Variants in DNAH8 observed in about 807,000 individuals in gnomAD.
DNAH8 encodes the protein dynein axonemal heavy chain 8.
Under a neutral mutation model 562.1 loss-of-function variants are expected in DNAH8, and 382 were observed. The ratio of observed to expected loss-of-function variants is 0.68; its 90% CI spans 0.63 to 0.74. The LOEUF is 0.74. DNAH8 is among the 30% of genes least tolerant of loss of function. The pLI, the probability that DNAH8 is intolerant of heterozygous loss-of-function variation, is 0.00. For missense variants in DNAH8, 5,203 were observed against 5,620.4 expected (o/e 0.93, Z 2.37); for synonymous variants, 1,881 against 1,919.4 (o/e 0.98, Z 0.52).
intron 85 of DNAH8, among the ~76,000 whole-genome samples, chr6:38,974,953 G>T (rs1763579707): frequency 6.6e-6 from 1 of 152,178 alleles, no homozygotes; most frequent in Admixed American, 6.5e-5. Context: ...TTTCAAGATA[G>T]GATTATCACC....
chr6:39,001,111 G>A lies in DNAH8; in HGVS notation c.13215-7703G>A, dbSNP rs116223731. ...TGAGGGAGGGGGGTGCTTAAAGAGC[G>A]GAGTGGCCGATGCAGAGTGTGGCTT... On this transcript the variant is annotated intron_variant, in intron 88 of 92. Transcript: ENST00000327475. 5.1e-3 allele frequency among the ~76,000 whole-genome samples: 770 copies of A among 152,262 alleles called. 4 individuals are homozygous for A. Among genetic ancestry groups the A allele is most frequent in the African/African-American group, 0.017 (726 of 41,532 alleles).
chr6:38,939,757 T>C (rs1310073583), intron 79 of DNAH8, among the ~76,000 whole-genome samples: 1 of 152,214 alleles, frequency 6.6e-6, no homozygotes, highest in Non-Finnish European at 1.5e-5. Flanking sequence ...GCAAAATGTT[T>C]CAATCTTTTT....
chr6:38,828,904 C>T (rs967565715), intron 30 of DNAH8, among the ~76,000 whole-genome samples: 1 of 152,204 alleles, frequency 6.6e-6, no homozygotes, highest in Non-Finnish European at 1.5e-5. Flanking sequence ...TCTCTTGCCC[C>T]AGCCCTGGCA....
chr6:39,029,271 C>T (rs560904490), intron 92 of DNAH8, among the ~76,000 whole-genome samples: 1 of 152,156 alleles, frequency 6.6e-6, no homozygotes, highest in Admixed American at 6.5e-5. Flanking sequence ...TGCCTACGCT[C>T]TCTCCTCTGT....
chr6:38,832,221 A>G, intron 30 of DNAH8, 101 bp from the exon 31 acceptor site: 1 of 692,902 alleles, frequency 1.4e-6, no homozygotes, highest in Non-Finnish European at 2.5e-6. Context: ...TTCCTTGTTC[A>G]TATAGGATAT....
chr6:38,822,594 C>T (rs1171952936), intron 26 of DNAH8, among the ~76,000 whole-genome samples: 3 of 152,136 alleles, frequency 2.0e-5, no homozygotes, highest in Non-Finnish European at 4.4e-5. Context: ...TTTCAGTTAT[C>T]CTCTCCGAAT....
intron 89 of DNAH8, among the ~76,000 whole-genome samples, chr6:39,010,448 A>G (rs557644782): frequency 6.6e-6 from 1 of 152,280 alleles, no homozygotes; most frequent in South Asian, 2.1e-4. Flanking sequence ...ATAAAAAGAC[A>G]ATTTTAGGCT....
At position 38,850,293 on chromosome 6, in the gene DNAH8, A is replaced by G. The variant is rs547165959; in HGVS notation, c.5242A>G (p.Ile1748Val). ...GAATATTGACAAGTCTTGGATAAAA[A>G]TAATGCAGCGAGCTCATGAGAATCC... ...FQNIDKSWIK[I>V]MQRAHENPNV... Residue 1748 changes from isoleucine (I) to valine (V), a missense_variant, in exon 38 of 93, where the codon ATA becomes GTA. By Grantham distance (29) the Ile-to-Val change is conservative (BLOSUM62 3). Coordinates refer to ENST00000327475, the MANE Select transcript of DNAH8 (RefSeq NM_001206927.2). 2 of 1,613,686 alleles carry G rather than the reference A, an allele frequency of 1.2e-6. No individual in the cohort carries two copies. The highest frequency in any genetic ancestry group is 1.7e-6 in the Non-Finnish European group (2 of 1,179,674).
chr6:38,795,496 C>T (rs541444781), intron 21 of DNAH8, among the ~76,000 whole-genome samples: 1 of 149,146 alleles, frequency 6.7e-6, no homozygotes, highest in African/African-American at 2.4e-5. Context: ...AGGAGAATGG[C>T]GTGAACCCAG....
intron 82 of DNAH8, among the ~76,000 whole-genome samples, chr6:38,952,409 C>A (rs984862025): frequency 6.6e-6 from 1 of 152,056 alleles, no homozygotes; most frequent in Admixed American, 6.5e-5. Context: ...TTCATTCATA[C>A]TCTGAAAATC....
chr6:38,805,814 T>C (rs895637181), intron 23 of DNAH8, among the ~76,000 whole-genome samples: 13 of 152,240 alleles, frequency 8.5e-5, no homozygotes, highest in African/African-American at 3.1e-4. Context: ...AATTACAGTT[T>C]ATGTAGTCAC....
intron 26 of DNAH8, among the ~76,000 whole-genome samples, chr6:38,816,544 A>T (rs1772292854): frequency 6.6e-6 from 1 of 152,012 alleles, no homozygotes; most frequent in Non-Finnish European, 1.5e-5. Context: ...TGCAATGAAC[A>T]TAGGCGTGCA....
chr6:38,804,785 G>GAGAA (rs903176569), intron 22 of DNAH8, among the ~76,000 whole-genome samples: 4 of 110,182 alleles, frequency 3.6e-5, no homozygotes, highest in African/African-American at 1.3e-4. Context: ...GAGAGAGAGA[G>GAGAA]AGAGAAAGAG....
At chr6:38,921,858 C>T (rs1198863254) in intron 71 of DNAH8, among the ~76,000 whole-genome samples, 1 of 151,874 alleles carries the variant, frequency 6.6e-6, no homozygotes, top group East Asian at 1.9e-4. Flanking sequence ...CGAAAAGAGT[C>T]AGCGAAGGGA....
intron 91 of DNAH8, among the ~76,000 whole-genome samples, chr6:39,016,577 T>C (rs147394267): frequency 6.6e-6 from 1 of 151,218 alleles, no homozygotes; most frequent in African/African-American, 2.4e-5. Context: ...AAAAAAGCCC[T>C]ACATATTTAA....
intron 85 of DNAH8, among the ~76,000 whole-genome samples, chr6:38,976,599 G>A (rs1017502547): frequency 3.3e-5 from 5 of 152,128 alleles, no homozygotes; most frequent in African/African-American, 7.2e-5. Context: ...GTCAGATCTC[G>A]CCTCAGACTC....
intron 9 of DNAH8, among the ~76,000 whole-genome samples, chr6:38,753,262 A>G (rs1445788437): frequency 1.3e-5 from 2 of 152,242 alleles, no homozygotes. Context: ...ATCAAATTGT[A>G]TATGGTGTTG....
intron 91 of DNAH8, among the ~76,000 whole-genome samples, chr6:39,019,984 T>G (rs1362951075): frequency 6.6e-6 from 1 of 151,998 alleles, no homozygotes; most frequent in Non-Finnish European, 1.5e-5. Flanking sequence ...GTGGAAAATA[T>G]GAGAGTTTGT....
At chr6:38,726,132 A>G (rs558776418) in intron 3 of DNAH8, among the ~76,000 whole-genome samples, 30 of 152,336 alleles carry the variant, frequency 2.0e-4, no homozygotes, top group Non-Finnish European at 3.4e-4. Context: ...GCATTTGGCT[A>G]GGGAGGAAGC....
Sources: gnomAD v4.1 joint callset for allele counts (sites outside exome capture counted in the v4.1 genomes callset) on GRCh38, gnomAD v4.1.1 for gene constraint, MANE v1.5 for transcripts, NCBI Gene and HGNC (gene_info 2026-07-23, HGNC 2026-07-21) for gene names.